Variants in JAKMIP3 observed in about 807,000 individuals in gnomAD.
JAKMIP3 encodes the protein janus kinase and microtubule-interacting protein 3.
A neutral mutation model predicts 118.5 loss-of-function variants in JAKMIP3; 58 were observed. The ratio of observed to expected loss-of-function variants is 0.49; its 90% confidence interval spans 0.40 to 0.61. The LOEUF (loss-of-function observed/expected upper bound fraction) is 0.61, where lower values mean the gene tolerates loss of function less well. JAKMIP3 is among the 20% of genes least tolerant of loss of function. JAKMIP3 has a pLI of 0.00. For missense variants in JAKMIP3, 950 were observed against 1,109.0 expected, an observed-to-expected ratio of 0.86 and a Z score of 2.04; for synonymous variants, 486 against 451.2, an observed-to-expected ratio of 1.08 and a Z score of -0.98.
intron 16 of JAKMIP3, 43 bp downstream of exon 16, chr10:132,150,084 A>G (rs758581184): frequency 3.7e-5 from 55 of 1,504,880 alleles, no homozygotes; most frequent in Non-Finnish European, 3.8e-5. Context: ...TACACCCACA[A>G]CCCCCAGCCC....
At chr10:132,178,363 G>A (rs1198562132) in intron 23 of JAKMIP3, among the ~76,000 whole-genome samples, 1 of 152,254 alleles carries the variant, frequency 6.6e-6, no homozygotes, top group Admixed American at 6.5e-5. Flanking sequence ...AGAGGAGGAA[G>A]AGGGAGGAGG....
intron 9 of JAKMIP3, among the ~76,000 whole-genome samples, chr10:132,139,107 T>TGTCA (rs143455718): frequency 3.3e-5 from 5 of 150,318 alleles, no homozygotes; most frequent in Non-Finnish European, 7.4e-5. Flanking sequence ...TGTGTGTACA[T>TGTCA]GTGTGTGTAT....
At chr10:132,139,222 ATG>A (rs1373335499) in intron 9 of JAKMIP3, among the ~76,000 whole-genome samples, 2 of 113,912 alleles carry the variant, frequency 1.8e-5, no homozygotes, top group East Asian at 3.1e-4. Flanking sequence ...ATGTGTGTAC[ATG>A]TGAGTGTATA....
chr10:132,168,504 A>G lies in JAKMIP3; in HGVS notation c.*574A>G. ...TCAGGGGCCCCTCCGATGCTGCAAT[A>G]TGTTGCTGGGGTCCTGAGCACCCGC... On this transcript the variant is annotated 3_prime_UTR_variant, in exon 23 of 24. Transcript: ENST00000684848. 2.7e-6 allele frequency: 2 copies of G among 743,848 alleles called. No homozygotes were observed. Among genetic ancestry groups the G allele is most frequent in the Non-Finnish European group, 3.8e-6 (2 of 525,508 alleles). The allele number at this position is 743,848 out of a possible 1,614,324, so 46.1% of individuals were successfully genotyped here.
At chr10:132,062,341 G>A (rs2038422666), upstream of JAKMIP3, among the ~76,000 whole-genome samples, 1 of 152,200 alleles carries the variant, frequency 6.6e-6, no homozygotes, top group Admixed American at 6.5e-5. Context: ...CCTCAGCCCT[G>A]CCACCTCCCA....
chr10:132,092,172 C>A (rs372331948), intron 1 of JAKMIP3, among the ~76,000 whole-genome samples: 1 of 145,486 alleles, frequency 6.9e-6, no homozygotes, highest in Non-Finnish European at 1.5e-5. Flanking sequence ...GTGGGTAACC[C>A]GACCTTTCTC....
chr10:132,128,870 C>T (rs9419209), intron 3 of JAKMIP3, among the ~76,000 whole-genome samples: 28,190 of 152,066 alleles, frequency 0.19, 2,760 homozygotes, highest in East Asian at 0.35. Flanking sequence ...AAGTTCCTAT[C>T]GGCTTACTTC....
chr10:132,171,656 T>TTTC (rs1565003111), intron 23 of JAKMIP3, among the ~76,000 whole-genome samples: 4 of 141,018 alleles, frequency 2.8e-5, no homozygotes, highest in South Asian at 4.4e-4. Context: ...TTCTTTCTTT[T>TTTC]TTTTTTTTTT....
intron 1 of JAKMIP3, among the ~76,000 whole-genome samples, chr10:132,089,325 A>T (rs1029259677): frequency 3.9e-5 from 6 of 152,212 alleles, no homozygotes; most frequent in South Asian, 2.1e-4. Context: ...CGATATTGAT[A>T]CTTCCTATCC....
At chr10:132,109,147 T>TAC (rs988763342) in intron 2 of JAKMIP3, among the ~76,000 whole-genome samples, 5 of 131,728 alleles carry the variant, frequency 3.8e-5, no homozygotes, top group African/African-American at 1.2e-4. Flanking sequence ...TATATATATA[T>TAC]ACACACACAT....
chr10:132,072,951 T>C (rs1397489840), intron 1 of JAKMIP3, among the ~76,000 whole-genome samples: 2 of 152,146 alleles, frequency 1.3e-5, no homozygotes, highest in Non-Finnish European at 2.9e-5. Flanking sequence ...TTCCACTCTG[T>C]CTGTCCGTGT....
intron 3 of JAKMIP3, among the ~76,000 whole-genome samples, chr10:132,121,464 T>C (rs1383678149): frequency 2.0e-5 from 3 of 152,162 alleles, no homozygotes; most frequent in African/African-American, 7.2e-5. Context: ...CCTAGAACAT[T>C]CTGGTGTGGG....
intron 11 of JAKMIP3, chr10:132,143,754 G>A (rs2054047821): frequency 6.6e-6 from 1 of 152,228 alleles, no homozygotes; most frequent in Non-Finnish European, 1.5e-5. Flanking sequence ...GGGGGCAGGA[G>A]AGGACAGGCG....
chr10:132,105,004 A>G, intron 2 of JAKMIP3, 61 bp downstream of exon 2: 2 of 1,534,650 alleles, frequency 1.3e-6, no homozygotes, highest in Non-Finnish European at 1.8e-6. Flanking sequence ...CCTGGGGCCC[A>G]GAGGCTCTTC....
intron 1 of JAKMIP3, among the ~76,000 whole-genome samples, chr10:132,067,862 GTGGACTGTGGGCTTCCGTGTGGAC>G (rs1285774385): frequency 2.0e-5 from 3 of 148,340 alleles, no homozygotes; most frequent in Non-Finnish European, 4.5e-5. Flanking sequence ...GGGCTTACGT[GTGGACTGTGGGCTTCCGTGTGGAC>G]TGGACTGTGG....
Position 132,117,460 on chromosome 10 carries a change from G to A in JAKMIP3, c.519G>A (p.Thr173=), listed in dbSNP as rs751879204. The change falls in exon 3 of 24, where the codon ACG becomes ACA. Residue 173 remains threonine (T), a synonymous_variant. Coordinates refer to ENST00000684848, the MANE Select transcript of JAKMIP3 (RefSeq NM_001323087.2). This position sits in a 1 kb window ranked among gnomAD's most constrained non-coding sequence, Gnocchi z 8.6. ...AAAGGCAGGTGGAGGAGGCGCTGAC[G>A]CTGGTGATCCAAGCGGACAAGATCA... is the stretch of plus-strand genomic sequence containing the variant. ...GAKRQVEEAL[T]LVIQADKIKA... 1.6e-5 allele frequency: 26 copies of A among 1,613,828 alleles called. No homozygotes were observed. The highest frequency in any genetic ancestry group is 8.9e-5 in the East Asian group (4 of 44,884).
chr10:132,180,604 CGT>C (rs1184491325), intron 23 of JAKMIP3, among the ~76,000 whole-genome samples: 524 of 11,980 alleles, frequency 0.044, 158 homozygotes, highest in East Asian at 0.16. Context: ...TGTGCGTGCG[CGT>C]GTGTGTGTGC....
In JAKMIP3 at chr10:132,137,257, C is replaced by T; in HGVS notation, c.1252C>T (p.Leu418Phe). The change falls in exon 8 of 24, where the codon CTT (leucine) becomes TTT (phenylalanine). Residue 418 changes from leucine to phenylalanine, a missense_variant. Leu to Phe is a conservative substitution (Grantham distance 22). Coordinates refer to ENST00000684848, the MANE Select transcript of JAKMIP3 (RefSeq NM_001323087.2). ...QNLIDELSKT[L>F]ETAGYVKSVL... Reference sequence around the variant, plus strand: ...ACATGCTGTCTTCCTTTCCTAGACCCTTGAGACCGCCGGCTACGTGAAGAG... The same window carrying T: ...ACATGCTGTCTTCCTTTCCTAGACCTTTGAGACCGCCGGCTACGTGAAGAG... The T allele has an allele frequency of 1.2e-6, 2 of 1,613,946 alleles. No individual in the cohort carries two copies. Among genetic ancestry groups the T allele is most frequent in the Non-Finnish European group, 1.7e-6 (2 of 1,179,880 alleles).
At chr10:132,129,243 C>T (rs2050152025) in intron 3 of JAKMIP3, among the ~76,000 whole-genome samples, 1 of 152,194 alleles carries the variant, frequency 6.6e-6, no homozygotes, top group Admixed American at 6.5e-5. Flanking sequence ...TGTCCTGCCC[C>T]TGGAGTGTAG....
Sources: allele counts gnomAD v4.1 joint callset (sites outside exome capture counted in the v4.1 genomes callset), GRCh38; gene constraint gnomAD v4.1.1; non-coding constraint Gnocchi (gnomAD v3.1); transcripts MANE v1.5; gene names NCBI Gene and HGNC (gene_info 2026-07-23, HGNC 2026-07-21).